FARS2: variants seen among roughly 807,000 people sequenced by gnomAD.
FARS2 encodes phenylalanyl-tRNA synthetase 2, mitochondrial.
A neutral mutation model predicts 46.4 loss-of-function variants in FARS2; 40 were observed. The ratio of observed to expected loss-of-function variants is 0.86; its 90% CI spans 0.67 to 1.12. The LOEUF is 1.12. FARS2 is among the 50% of genes most tolerant of loss of function. The pLI is 0.00. For synonymous variants in FARS2, 234 were observed against 214.9 expected (o/e 1.09, Z -0.78); for missense variants, 513 against 567.9 (o/e 0.90, Z 0.98).
intron 4 of FARS2, among the ~76,000 whole-genome samples, chr6:5,464,811 T>C (rs1263456450): frequency 6.6e-6 from 1 of 152,016 alleles, no homozygotes; most frequent in Non-Finnish European, 1.5e-5. Context: ...AAGAAAGAAA[T>C]TGGCCTCCTT....
intron 4 of FARS2, among the ~76,000 whole-genome samples, chr6:5,523,757 A>C (rs908608876): frequency 6.6e-6 from 1 of 152,150 alleles, no homozygotes; most frequent in African/African-American, 2.4e-5. Flanking sequence ...TCTCAGCTGC[A>C]CTGCTATAGC....
At chr6:5,669,928 A>G (rs4959345) in intron 6 of FARS2, among the ~76,000 whole-genome samples, 139,452 of 152,208 alleles carry the variant, frequency 0.92, 64,337 homozygotes, top group East Asian at 1. Flanking sequence ...CTCATGACCT[A>G]TGAACGGGGG....
At chr6:5,482,589 TC>T (rs1766532752) in intron 4 of FARS2, among the ~76,000 whole-genome samples, 1 of 152,164 alleles carries the variant, frequency 6.6e-6, no homozygotes, top group Non-Finnish European at 1.5e-5. Flanking sequence ...GGTACAAGCT[TC>T]CTGGAAGTGA....
intron 6 of FARS2, among the ~76,000 whole-genome samples, chr6:5,692,839 G>C (rs1423724448): frequency 6.6e-6 from 1 of 152,182 alleles, no homozygotes; most frequent in Non-Finnish European, 1.5e-5. Context: ...AAAGGTGTCA[G>C]AAAGGCCAAA....
intron 2 of FARS2, among the ~76,000 whole-genome samples, chr6:5,375,877 G>A (rs1324091448): frequency 1.3e-5 from 2 of 152,000 alleles, no homozygotes; most frequent in African/African-American, 4.8e-5. Context: ...GAAAATATAG[G>A]AGATTGTCAT....
intron 4 of FARS2, among the ~76,000 whole-genome samples, chr6:5,524,184 T>C (rs116261391): frequency 0.021 from 3,246 of 152,264 alleles, 43 homozygotes; most frequent in Middle Eastern, 0.027. Context: ...GGGAAGGAAA[T>C]ATTAAGGCGA....
chr6:5,625,801 G>A (rs1275251883), intron 6 of FARS2, among the ~76,000 whole-genome samples: 3 of 152,298 alleles, frequency 2.0e-5, no homozygotes, highest in East Asian at 1.9e-4. Flanking sequence ...AAGGCTGCCC[G>A]CCTGCCCTGA....
At chr6:5,459,911 G>A (rs544133206) in intron 4 of FARS2, among the ~76,000 whole-genome samples, 6 of 152,134 alleles carry the variant, frequency 3.9e-5, no homozygotes, top group Non-Finnish European at 5.9e-5. Flanking sequence ...ATTTCTTTCC[G>A]CTTTAAATAT....
intron 1 of FARS2, among the ~76,000 whole-genome samples, chr6:5,291,956 G>A (rs1037114791): frequency 6.6e-6 from 1 of 152,090 alleles, no homozygotes; most frequent in Admixed American, 6.5e-5. Context: ...AATAAAAATT[G>A]ATAATATGGG....
At chr6:5,466,751 G>T in intron 4 of FARS2, 1 of 980,434 alleles carries the variant, frequency 1.0e-6, no homozygotes, top group Non-Finnish European at 1.2e-6. Context: ...GTGGTGCCTG[G>T]GATCTGTAGA....
At chr6:5,369,922 T>G (rs1371111934) in intron 2 of FARS2, among the ~76,000 whole-genome samples, 1 of 152,110 alleles carries the variant, frequency 6.6e-6, no homozygotes, top group Non-Finnish European at 1.5e-5. Context: ...AAAGCTTGAT[T>G]CCATTTCCTA....
intron 5 of FARS2, among the ~76,000 whole-genome samples, chr6:5,546,518 G>C (rs574893048): frequency 6.6e-6 from 1 of 151,856 alleles, no homozygotes; most frequent in Admixed American, 6.6e-5. Context: ...CCGAAGTGCT[G>C]GGATTACAGG....
At chr6:5,285,768 A>G (rs115155054) in intron 1 of FARS2, among the ~76,000 whole-genome samples, 87 of 152,330 alleles carry the variant, frequency 5.7e-4, no homozygotes, top group African/African-American at 2.0e-3. Context: ...TGTGGGTAGT[A>G]AGGGGCCATG....
intron 1 of FARS2, among the ~76,000 whole-genome samples, chr6:5,364,257 T>G (rs1758505204): frequency 6.6e-6 from 1 of 152,192 alleles, no homozygotes; most frequent in Non-Finnish European, 1.5e-5. Context: ...AGTATTATAT[T>G]TCTCTGTTTT....
At position 5,726,609 on chromosome 6, in the gene FARS2, A is replaced by G. The variant is rs981011439; in HGVS notation, c.1218-44682A>G. Among the ~76,000 whole-genome samples, 24 of 152,348 alleles carry G rather than the reference A, an allele frequency of 1.6e-4. 1 individual carries two copies. Among genetic ancestry groups the G allele is most frequent in the African/African-American group, 4.6e-4 (19 of 41,592 alleles). ...ATTGTCTTAACGATATTTTTAAAGT[A>G]GAAAAAGTAAAGGAGGGAGCATGTG... On this transcript the variant is annotated intron_variant, in intron 6 of 6. Coordinates refer to ENST00000274680, the MANE Select transcript of FARS2 (RefSeq NM_006567.5).
At chr6:5,542,186 G>C (rs1245191659) in intron 4 of FARS2, among the ~76,000 whole-genome samples, 2 of 149,934 alleles carry the variant, frequency 1.3e-5, no homozygotes, top group Non-Finnish European at 2.9e-5. Context: ...CTCATCCTGT[G>C]ACTCAGAATG....
chr6:5,730,833 G>A (rs1760574420), intron 6 of FARS2, among the ~76,000 whole-genome samples: 1 of 152,214 alleles, frequency 6.6e-6, no homozygotes, highest in Admixed American at 6.5e-5. Context: ...TTCAAGCACT[G>A]TTCTGAGAGC....
At chr6:5,553,969 C>T (rs1442456391) in intron 5 of FARS2, among the ~76,000 whole-genome samples, 2 of 152,144 alleles carry the variant, frequency 1.3e-5, no homozygotes. Flanking sequence ...AAACTCACTT[C>T]CTTCTCTGTT....
intron 1 of FARS2, among the ~76,000 whole-genome samples, chr6:5,322,822 T>G (rs1770077868): frequency 6.6e-6 from 1 of 152,214 alleles, no homozygotes; most frequent in Non-Finnish European, 1.5e-5. Flanking sequence ...CAAAAACTTG[T>G]GTTCAGAGGG....
Sources: gnomAD v4.1 joint callset for allele counts (sites outside exome capture counted in the v4.1 genomes callset) on GRCh38, gnomAD v4.1.1 for gene constraint, MANE v1.5 for transcripts, NCBI Gene and HGNC (gene_info 2026-07-23, HGNC 2026-07-21) for gene names.